The following TROAP variants were observed in gnomAD, a reference collection of about 807,000 sequenced individuals.
TROAP encodes the protein trophinin associated protein, also known as tastin.
A neutral mutation model predicts 83.4 loss-of-function variants in TROAP; 62 were observed. The ratio of observed to expected loss-of-function variants is 0.74; its 90% CI spans 0.61 to 0.92. The LOEUF is 0.92. TROAP is among the 40% of genes least tolerant of loss of function. TROAP has a pLI of 0.00. For missense variants in TROAP, 876 were observed against 985.1 expected (o/e 0.89, Z 1.48); for synonymous variants, 352 against 386.4 (o/e 0.91, Z 1.04).
chr12:49,323,257 A>C lies in TROAP; in HGVS notation c.-98A>C. ...ACCGGGCCAATCAAGAGCTTGGCGT[A>C]TTTTACAAACTGAGAAAGTAGCTCC... On this transcript the variant is annotated 5_prime_UTR_variant, in exon 1 of 15. Transcript: ENST00000257909. The C allele has an allele frequency of 4.8e-6, 1 of 206,946 alleles. No homozygotes were observed. Among genetic ancestry groups the C allele is most frequent in the Non-Finnish European group, 9.7e-6 (1 of 103,232 alleles). The allele number at this position is 206,946 out of a possible 1,614,324, so 12.8% of individuals were successfully genotyped here. A position where few individuals can be genotyped will look rare whatever the true frequency, so the allele number is the denominator to read the frequency against.
In TROAP at chr12:49,324,010, G is replaced by A. The variant is rs778933117; in HGVS notation, c.310G>A (p.Val104Met). Reference protein sequence around the residue: ...ELRPSPRGQNVGPGPPAQTEA... With the variant: ...ELRPSPRGQNMGPGPPAQTEA... ...CAGGCCTAGCCCTAGGGGTCAAAAT[G>A]TGGGGCCTGGGCCCCCTGCCCAGAC... Residue 104 changes from valine (V) to methionine (M), a missense_variant, in exon 3 of 15, where the codon GTG becomes ATG. By Grantham distance (21) the Val-to-Met change is conservative. This residue lies in a region of TROAP where 689 missense variants were observed against 722.6 expected (regional missense o/e 0.95). Coordinates refer to ENST00000257909, the MANE Select transcript of TROAP (RefSeq NM_005480.4). The A allele has an allele frequency of 5.0e-6, 8 of 1,613,854 alleles. No homozygotes were observed. Among genetic ancestry groups the A allele is most frequent in the African/African-American group, 1.3e-5 (1 of 75,042 alleles).
intron 8 of TROAP, 127 bp downstream of exon 8, chr12:49,327,457 G>C (rs967467358): frequency 1.5e-5 from 21 of 1,372,366 alleles, no homozygotes; most frequent in Non-Finnish European, 2.0e-5. Context: ...GGATGTTACT[G>C]GGTAGGTTTA....
Position 49,325,670 on chromosome 12 carries a change from G to T in TROAP, c.495+12G>T, listed in dbSNP as rs762151507. ...CCCAGAGGGTCCAGGTAATGAAACA[G>T]GATGTGAGGAGACCAGGCTAGGGGG... is the stretch of plus-strand genomic sequence containing the variant. On this transcript the variant is annotated intron_variant, in intron 4 of 14. Transcript: ENST00000257909. 20 of 1,613,378 alleles carry T rather than the reference G, an allele frequency of 1.2e-5. No individual in the cohort carries two copies. The African/African-American group carries it at 1.5e-4, about 12-fold the overall frequency.
rs1032411834 is a variant in TROAP, at chr12:49,330,652, T to C, written c.1807T>C (p.Ser603Pro). The change falls in exon 13 of 15, where the codon TCT becomes CCT. Residue 603 changes from serine to proline, a missense_variant. Physicochemically the swap from Ser to Pro is moderately conservative, Grantham distance 74. Transcript: ENST00000257909. ...CRIEPEIPES[S>P]RQEQLEVPEP... Reference sequence around the variant, plus strand: ...GATTGAGCCTGAGATACCGGAGTCCTCTCGCCAGGAACAGCTTGAGGTACC... The same window carrying C: ...GATTGAGCCTGAGATACCGGAGTCCCCTCGCCAGGAACAGCTTGAGGTACC... 3.7e-6 allele frequency: 6 copies of C among 1,613,972 alleles called. No homozygotes were observed. The South Asian group carries it at 6.6e-5, about 18-fold the overall frequency.
chr12:49,329,015 G>T lies in TROAP; in HGVS notation c.980G>T (p.Gly327Val). 6.2e-7 allele frequency: 1 copy of T among 1,611,726 alleles called. No individual in the cohort carries two copies. Among genetic ancestry groups the T allele is most frequent in the South Asian group, 1.1e-5 (1 of 90,746 alleles). The change falls in exon 9 of 15, where the codon GGA (glycine) becomes GTA (valine). Residue 327 changes from glycine to valine, a missense_variant. Gly to Val is a moderately radical substitution (Grantham distance 109). Coordinates refer to ENST00000257909, the MANE Select transcript of TROAP (RefSeq NM_005480.4). This position sits in a 1 kb window ranked among gnomAD's most constrained non-coding sequence, Gnocchi z 4.5. ...GHVVPCPSPFGRAQRVPSPGP... is the reference protein window; with the variant it reads ...GHVVPCPSPFVRAQRVPSPGP... ...GTGGTGCCATGTCCATCACCCTTTG[G>T]ACGGGCTCAGCGTGTACCCTCCCCA...
chr12:49,330,186 G>C lies in TROAP; in HGVS notation c.1341G>C (p.Glu447Asp), dbSNP rs1266310006. 1.2e-6 allele frequency: 2 copies of C among 1,613,988 alleles called. No homozygotes were observed. Among genetic ancestry groups the C allele is most frequent in the Non-Finnish European group, 1.7e-6 (2 of 1,179,916 alleles). ...AACAGCTGTTGAGACAGGAAGTAGA[G>C]GGGCTGGTAGGGGGCCAGTGTGTCC... is the stretch of plus-strand genomic sequence containing the variant. ...ILQQLLRQEV[E>D]GLVGGQCVPL... The change falls in exon 13 of 15, where the codon GAG becomes GAC. Residue 447 changes from glutamate to aspartate, a missense_variant. Around this residue, in one of 3 missense-constraint regions of TROAP, gnomAD observed 689 missense variants for 722.6 expected, o/e 0.95. Transcript: ENST00000257909.
In TROAP at chr12:49,329,726, T is replaced by C; in HGVS notation, c.1165-131T>C. On this transcript the variant is annotated intron_variant, in intron 11 of 14. Coordinates refer to ENST00000257909, the MANE Select transcript of TROAP (RefSeq NM_005480.4). This position sits in a 1 kb window ranked among gnomAD's most constrained non-coding sequence, Gnocchi z 4.5. Reference sequence around the variant, plus strand: ...TGCCTAACTCTCACTGCTTCTCTGCTGCCCCTCCTAATGTACATCTAGGGC... The same window carrying C: ...TGCCTAACTCTCACTGCTTCTCTGCCGCCCCTCCTAATGTACATCTAGGGC... 7.3e-7 allele frequency: 1 copy of C among 1,361,234 alleles called. No individual in the cohort carries two copies. Among genetic ancestry groups the C allele is most frequent in the Non-Finnish European group, 1.0e-6 (1 of 994,040 alleles). 84.3% of individuals were successfully genotyped at this position (1,361,234 alleles called of 1,614,324 possible).
intron 1 of TROAP, 54 bp from the exon 2 acceptor site, chr12:49,323,550 T>G: frequency 6.3e-7 from 1 of 1,588,100 alleles, no homozygotes; most frequent in Non-Finnish European, 8.6e-7. Flanking sequence ...CCCCGAGAAC[T>G]GGTTGATCTT....
In TROAP at chr12:49,330,706, C is replaced by A. The variant is rs771361379; in HGVS notation, c.1861C>A (p.Pro621Thr). The A allele has an allele frequency of 1.9e-6, 3 of 1,614,116 alleles. No homozygotes were observed. The highest frequency in any genetic ancestry group is 2.7e-5 in the African/African-American group (2 of 75,026). Residue 621 changes from proline (P) to threonine (T), a missense_variant, in exon 13 of 15, where the codon CCC (proline) becomes ACC (threonine). Pro to Thr is a conservative substitution (Grantham distance 38). Around this residue, in one of 3 missense-constraint regions of TROAP, gnomAD observed 184 missense variants for 238.3 expected, o/e 0.77. Transcript: ENST00000257909. The stretch of plus-strand genomic sequence containing the variant: ...GCCCTGCCCTCCAGCAGAACCCGGG[C>A]CCCTTCAGCCCAGCACCCAGGGGCA... ...PEPCPPAEPG[P>T]LQPSTQGQSG...
At chr12:49,324,392 T>A in intron 3 of TROAP, 1 of 489,174 alleles carries the variant, frequency 2.0e-6, no homozygotes. Flanking sequence ...TTCTGAAGCC[T>A]TTTCCAGTTC....
At chr12:49,328,707 A>T (rs1943535428) in intron 8 of TROAP, among the ~76,000 whole-genome samples, 1 of 152,004 alleles carries the variant, frequency 6.6e-6, no homozygotes, top group Non-Finnish European at 1.5e-5. Flanking sequence ...TACTAAATAT[A>T]CAAAAAATTA....
chr12:49,329,449 C>T lies in TROAP; in HGVS notation c.1159C>T (p.Pro387Ser), dbSNP rs1387001509. The T allele has an allele frequency of 6.2e-7, 1 of 1,609,684 alleles. No individual in the cohort carries two copies. The highest frequency in any genetic ancestry group is 1.3e-5 in the African/African-American group (1 of 74,962). ...GTCCTGCTCTGAAGATCCTGCCCTG[C>T]CCTGGGTAAGTATCAGAAGCTTCCC... The part of the protein sequence containing the change: ...PQSCSEDPAL[P>S]WEQVAVRLFD... The change falls in exon 11 of 15, where the codon CCC becomes TCC. Residue 387 changes from proline to serine, a missense_variant. Transcript: ENST00000257909. This position sits in a 1 kb window ranked among gnomAD's most constrained non-coding sequence, Gnocchi z 4.5.
At chr12:49,325,424 A>T in intron 3 of TROAP, 77 bp from the exon 4 acceptor site, 2 of 1,437,232 alleles carry the variant, frequency 1.4e-6, no homozygotes, top group South Asian at 2.7e-5. Flanking sequence ...CTCACCTTGT[A>T]CCTCAAAGTT....
At position 49,323,983 on chromosome 12, in the gene TROAP, C is replaced by T; in HGVS notation, c.283C>T (p.Leu95Phe). The T allele has an allele frequency of 1.9e-6, 3 of 1,614,190 alleles. No homozygotes were observed. The highest frequency in any genetic ancestry group is 2.5e-6 in the Non-Finnish European group (3 of 1,180,032). ...ISQPRNPLEELRPSPRGQNVG... is the reference protein window; with the variant it reads ...ISQPRNPLEEFRPSPRGQNVG... ...TCAGCCTCGGAACCCCTTGGAAGAG[C>T]TCAGGCCTAGCCCTAGGGGTCAAAA... is the stretch of plus-strand genomic sequence containing the variant. The change falls in exon 3 of 15, where the codon CTC becomes TTC. Residue 95 changes from leucine to phenylalanine, a missense_variant. Physicochemically the swap from Leu to Phe is conservative, Grantham distance 22 (BLOSUM62 0). Coordinates refer to ENST00000257909, the MANE Select transcript of TROAP (RefSeq NM_005480.4).
At position 49,330,942 on chromosome 12, in the gene TROAP, AG is replaced by A. The variant is rs1943571565; in HGVS notation, c.2098+1del. ...QSLRPPAGQA[G>X]LSNLAPRTLA... ...CTTTGAGACCCCCAGCAGGCCAGGC[AG>A]GTAAGGAGTTGGCTGGGAAGGAGTG... On this transcript the variant is annotated frameshift_variant and splice_region_variant, in exon 13 of 15. Coordinates refer to ENST00000257909, the MANE Select transcript of TROAP (RefSeq NM_005480.4). LOFTEE classifies it high-confidence loss of function. The A allele has an allele frequency of 4.3e-6, 7 of 1,610,416 alleles. No individual in the cohort carries two copies. The highest frequency in any genetic ancestry group is 3.4e-6 in the Non-Finnish European group (4 of 1,179,996).
At position 49,325,792 on chromosome 12, in the gene TROAP, C is replaced by T. The variant is rs757962017; in HGVS notation, c.541C>T (p.Arg181Ter). The change falls in exon 5 of 15, where the codon CGA becomes TGA. Residue 181 changes from arginine (R) to a stop codon, truncating the protein, a stop_gained. Coordinates refer to ENST00000257909, the MANE Select transcript of TROAP (RefSeq NM_005480.4). LOFTEE classifies it high-confidence loss of function. ...TTTGGCCCCCAGAACCCCCACCCAC[C>T]GACTGGACCCTGCCAGGGCTTCCTG... ...AYLAPRTPTHRLDPARASCFS... is the reference protein window; with the variant it reads ...AYLAPRTPTH The T allele has an allele frequency of 1.6e-5, 26 of 1,613,998 alleles. No homozygotes were observed. The highest frequency in any genetic ancestry group is 1.9e-5 in the Non-Finnish European group (23 of 1,180,022).
rs1246474962 is a variant in TROAP at position 49,331,273 on chromosome 12, A to G, written c.2158A>G (p.Thr720Ala). The G allele has an allele frequency of 4.3e-6, 7 of 1,614,104 alleles. No individual in the cohort carries two copies. The East Asian group carries it at 1.3e-4, about 31-fold the overall frequency. ...GAGGGAGCGCCTCAAATCGTGTTTA[A>G]CCGCCATCCACTGCTTCCACGAGGC... ...ALRERLKSCL[T>A]AIHCFHEARL... Residue 720 changes from threonine (T) to alanine (A), a missense_variant, in exon 14 of 15, where the codon ACC (threonine) becomes GCC (alanine). Thr to Ala is a moderately conservative substitution (Grantham distance 58). This residue lies in a region of TROAP where 184 missense variants were observed against 238.3 expected (regional missense o/e 0.77). Coordinates refer to ENST00000257909, the MANE Select transcript of TROAP (RefSeq NM_005480.4).
intron 3 of TROAP, among the ~76,000 whole-genome samples, chr12:49,324,901 TTTTC>T (rs1356140284): frequency 4.1e-5 from 6 of 147,548 alleles, no homozygotes; most frequent in Non-Finnish European, 7.4e-5. Context: ...CTAATTTTTG[TTTTC>T]TTTCTTTTTT....
intron 7 of TROAP, among the ~76,000 whole-genome samples, 174 bp downstream of exon 7, chr12:49,326,894 G>A (rs1380353417): frequency 6.6e-6 from 1 of 152,226 alleles, no homozygotes; most frequent in Non-Finnish European, 1.5e-5. Flanking sequence ...GATTGGCACA[G>A]TTGCACTTTT....
Sources: gnomAD v4.1 joint callset for allele counts (sites outside exome capture counted in the v4.1 genomes callset) on GRCh38, gnomAD v4.1.1 for gene constraint, gnomAD v4.1.1 regional missense constraint, Gnocchi (gnomAD v3.1) non-coding constraint, MANE v1.5 for transcripts, NCBI Gene and HGNC (gene_info 2026-07-23, HGNC 2026-07-21) for gene names.